The following SPOUT1 variants were observed in gnomAD, a reference collection of about 807,000 sequenced individuals.
SPOUT1 encodes the protein 28S rRNA (uridine-N(3))-methyltransferase.
Under a neutral mutation model 54.8 loss-of-function variants are expected in SPOUT1, and 40 were observed. The ratio of observed to expected loss-of-function variants is 0.73; its 90% CI spans 0.57 to 0.95. The LOEUF is 0.95. Ranked by LOEUF, SPOUT1 falls within the 40% of genes least tolerant of loss-of-function variation. The pLI, the probability that SPOUT1 is intolerant of heterozygous loss-of-function variation, is 0.00. For missense variants in SPOUT1, 437 were observed against 499.5 expected (o/e 0.87, Z 1.19); for synonymous variants, 193 against 200.3 (o/e 0.96, Z 0.31).
At chr9:128,828,210 C>T (rs759066722) in intron 3 of SPOUT1, among the ~76,000 whole-genome samples, 1 of 151,646 alleles carries the variant, frequency 6.6e-6, no homozygotes, top group African/African-American at 2.4e-5. Flanking sequence ...AGATATGAGG[C>T]TTGGGCCGGG....
Position 128,822,221 on chromosome 9 carries a change from C to A in SPOUT1, c.*544G>T. ...GAAGTCTCACAGTGAGGGCGTGGTC[C>A]TGCAGGTTGACAGAAGTTAGAGGAC... On this transcript the variant is annotated 3_prime_UTR_variant, in exon 12 of 12. Transcript: ENST00000361256. 7.3e-7 allele frequency: 1 copy of A among 1,376,344 alleles called. No homozygotes were observed. Among genetic ancestry groups the A allele is most frequent in the East Asian group, 2.4e-5 (1 of 41,648 alleles). The allele number at this position is 1,376,344 out of a possible 1,614,324, so 85.3% of individuals were successfully genotyped here.
rs112269930 is a variant in SPOUT1 at position 128,821,236 on chromosome 9, C to A, written c.*1529G>T. 4.0e-6 allele frequency: 1 copy of A among 248,182 alleles called. No individual in the cohort carries two copies. Among genetic ancestry groups the A allele is most frequent in the African/African-American group, 2.3e-5 (1 of 43,816 alleles). 15.4% of individuals were successfully genotyped at this position (248,182 alleles called of 1,614,324 possible). A position where few individuals can be genotyped will look rare whatever the true frequency, so the allele number is the denominator to read the frequency against. ...GTGCACCAAGCTCTCCCGCCTTCCCCCTGCAGGTCTGCGGTGCACCAAGCT... is the reference window on the plus strand; with the variant it reads ...GTGCACCAAGCTCTCCCGCCTTCCCACTGCAGGTCTGCGGTGCACCAAGCT... On this transcript the variant is annotated 3_prime_UTR_variant, in exon 12 of 12. Transcript: ENST00000361256.
In SPOUT1 at chr9:128,827,144, T is replaced by C. The variant is rs1465223718; in HGVS notation, c.256A>G (p.Asn86Asp). Residue 86 changes from asparagine to aspartate, a missense_variant, in exon 4 of 12, where the codon AAT (asparagine) becomes GAT (aspartate). Asn to Asp is a conservative substitution (Grantham distance 23). Coordinates refer to ENST00000361256, the MANE Select transcript of SPOUT1 (RefSeq NM_016390.4). ...SVALPGSILDNAQSPELRTYL... is the reference protein window; with the variant it reads ...SVALPGSILDDAQSPELRTYL... Reference sequence around the variant, plus strand: ...GTGCGAAGCTCCGGCGACTGAGCATTGTCCAGGATGGAGCCCGGCAGGGCT... The same window carrying C: ...GTGCGAAGCTCCGGCGACTGAGCATCGTCCAGGATGGAGCCCGGCAGGGCT... The C allele has an allele frequency of 6.2e-7, 1 of 1,614,018 alleles. No individual in the cohort carries two copies. The highest frequency in any genetic ancestry group is 8.5e-7 in the Non-Finnish European group (1 of 1,180,018).
At chr9:128,827,214 C>T in intron 3 of SPOUT1, 23 bp from the exon 4 acceptor site, 1 of 1,593,156 alleles carries the variant, frequency 6.3e-7, no homozygotes, top group Non-Finnish European at 8.6e-7. Context: ...GGGATGTTCC[C>T]AGCCAGTGTG....
In SPOUT1 at chr9:128,820,829, G is replaced by A; in HGVS notation, c.*1936C>T. 1 of 1,610,484 alleles carries A rather than the reference G, an allele frequency of 6.2e-7. No individual in the cohort carries two copies. Among genetic ancestry groups the A allele is most frequent in the Non-Finnish European group, 8.5e-7 (1 of 1,178,308 alleles). Reference sequence around the variant, plus strand: ...CTACCAAAACGTCTATGTCTGCACAGGGCCACTCTTCCTGCCCAGGTAAGG... The same window carrying A: ...CTACCAAAACGTCTATGTCTGCACAAGGCCACTCTTCCTGCCCAGGTAAGG... On this transcript the variant is annotated 3_prime_UTR_variant, in exon 12 of 12. Coordinates refer to ENST00000361256, the MANE Select transcript of SPOUT1 (RefSeq NM_016390.4).
In SPOUT1 at chr9:128,819,869, G is replaced by A. The variant is rs1397290122; in HGVS notation, c.*2896C>T. On this transcript the variant is annotated 3_prime_UTR_variant, in exon 12 of 12. Transcript: ENST00000361256. ...ATGCGCAGTTCACCATAGGGTTCCA[G>A]CTCCTATGACAATCTCCAGCCGCCA... is the stretch of plus-strand genomic sequence containing the variant. The A allele has an allele frequency of 2.0e-5, 3 of 152,094 alleles. No homozygotes were observed. Among genetic ancestry groups the A allele is most frequent in the Admixed American group, 6.6e-5 (1 of 15,116 alleles). The allele number at this position is 152,094 out of a possible 1,614,324, so 9.4% of individuals were successfully genotyped here.
rs1332593726 is a variant in SPOUT1 at position 128,823,817 on chromosome 9, T to C, written c.992A>G (p.Glu331Gly). The change falls in exon 11 of 12, where the codon GAA (glutamate) becomes GGA (glycine). Residue 331 changes from glutamate to glycine, a missense_variant. Coordinates refer to ENST00000361256, the MANE Select transcript of SPOUT1 (RefSeq NM_016390.4). ...GTACAGGTCAAAGAGGACACTGGGT[T>C]CAGCCACCTCCAGGTTGGGGTCAGC... ...ADADPNLEVA[E>G]PSVLFDLYVN... 2 of 1,611,198 alleles carry C rather than the reference T, an allele frequency of 1.2e-6. 1 individual carries two copies. Among genetic ancestry groups the C allele is most frequent in the Admixed American group, 3.4e-5 (2 of 59,666 alleles).
At chr9:128,828,228 G>C (rs1392207495) in intron 3 of SPOUT1, among the ~76,000 whole-genome samples, 1 of 152,206 alleles carries the variant, frequency 6.6e-6, no homozygotes, top group African/African-American at 2.4e-5. Flanking sequence ...GGGCACGGTG[G>C]CTCATGCCTG....
Position 128,828,288 on chromosome 9 carries a change from G to C in SPOUT1, c.208+447C>G, listed in dbSNP as rs571009135. On this transcript the variant is annotated intron_variant, in intron 3 of 11. Coordinates refer to ENST00000361256, the MANE Select transcript of SPOUT1 (RefSeq NM_016390.4). ...AAGTGGGCAGATCACCTGAGGTCAGGAGTTCGAGACCGGCCTCCCCAACAT... is the reference window on the plus strand; with the variant it reads ...AAGTGGGCAGATCACCTGAGGTCAGCAGTTCGAGACCGGCCTCCCCAACAT... Among the ~76,000 whole-genome samples, 4 of 152,312 alleles carry C rather than the reference G, an allele frequency of 2.6e-5. No homozygotes were observed. The East Asian group carries it at 7.7e-4, about 29-fold the overall frequency.
At chr9:128,828,453 G>A (rs1043380379) in intron 3 of SPOUT1, among the ~76,000 whole-genome samples, 8 of 149,722 alleles carry the variant, frequency 5.3e-5, no homozygotes, top group African/African-American at 1.5e-4. Context: ...CAGAGATGGC[G>A]CCGTTGCACT....
chr9:128,823,239 C>T (rs1830165091), intron 11 of SPOUT1, among the ~76,000 whole-genome samples: 1 of 152,066 alleles, frequency 6.6e-6, no homozygotes. Context: ...GGCTGTCGGC[C>T]CGGCGAGACT....
Position 128,827,171 on chromosome 9 carries a change from C to T in SPOUT1, c.229G>A (p.Val77Ile), listed in dbSNP as rs541385951. ...TCCAGGATGGAGCCCGGCAGGGCTACGCTCAGTGTGTAGGGCCGCCCTGAG... is the reference window on the plus strand; with the variant it reads ...TCCAGGATGGAGCCCGGCAGGGCTATGCTCAGTGTGTAGGGCCGCCCTGAG... Reference protein sequence around the residue: ...EDRGRPYTLSVALPGSILDNA... With the variant: ...EDRGRPYTLSIALPGSILDNA... The change falls in exon 4 of 12, where the codon GTA becomes ATA. Residue 77 changes from valine to isoleucine, a missense_variant. Physicochemically the swap from Val to Ile is conservative, Grantham distance 29. Transcript: ENST00000361256. 25 of 1,613,350 alleles carry T rather than the reference C, an allele frequency of 1.5e-5. No individual in the cohort carries two copies. The highest frequency in any genetic ancestry group is 1.2e-4 in the African/African-American group (9 of 75,044).
Position 128,826,366 on chromosome 9 carries a change from G to A in SPOUT1, c.508+18C>T, listed in dbSNP as rs371612839. 2.4e-5 allele frequency: 39 copies of A among 1,612,492 alleles called. No individual in the cohort carries two copies. The highest frequency in any genetic ancestry group is 5.3e-5 in the African/African-American group (4 of 74,864). Reference sequence around the variant, plus strand: ...CATGATCCAGGGGAAATGGGGGGGCGGGCCCATACAGCGTTACCTGCAAAC... The same window carrying A: ...CATGATCCAGGGGAAATGGGGGGGCAGGCCCATACAGCGTTACCTGCAAAC... On this transcript the variant is annotated intron_variant, in intron 6 of 11. Coordinates refer to ENST00000361256, the MANE Select transcript of SPOUT1 (RefSeq NM_016390.4). This position sits in a 1 kb window ranked among gnomAD's most constrained non-coding sequence, Gnocchi z 5.5.
In SPOUT1 at chr9:128,822,538, G is replaced by A. The variant is rs764092205; in HGVS notation, c.*227C>T. ...CCATCGAGAGCATTGAGCGGGCTTC[G>A]GGGCTGCTCTTTGTGCCAAACATCC... On this transcript the variant is annotated 3_prime_UTR_variant, in exon 12 of 12. Coordinates refer to ENST00000361256, the MANE Select transcript of SPOUT1 (RefSeq NM_016390.4). The A allele has an allele frequency of 9.6e-6, 15 of 1,559,422 alleles. No individual in the cohort carries two copies. The highest frequency in any genetic ancestry group is 1.9e-5 in the Admixed American group (1 of 51,412).
chr9:128,824,915 G>T, intron 8 of SPOUT1, 46 bp from the exon 9 acceptor site: 1 of 1,596,264 alleles, frequency 6.3e-7, no homozygotes, highest in Non-Finnish European at 8.6e-7. Context: ...GGGAATGGAA[G>T]CAGGTGGCTG....
intron 7 of SPOUT1, among the ~76,000 whole-genome samples, chr9:128,825,728 A>G (rs1830228533): frequency 6.6e-6 from 1 of 152,226 alleles, no homozygotes; most frequent in African/African-American, 2.4e-5. Flanking sequence ...TAATGCCCTC[A>G]TCCCAGCTTG....
rs533166916 is a variant in SPOUT1, at chr9:128,822,845, G to A, written c.1063-12C>T. 125 of 1,568,760 alleles carry A rather than the reference G, an allele frequency of 8.0e-5. No individual in the cohort carries two copies. The South Asian group carries it at 9.0e-4, about 11-fold the overall frequency. On this transcript the variant is annotated splice_polypyrimidine_tract_variant and intron_variant, in intron 11 of 11. Transcript: ENST00000361256. ...ATGAGGATGGCTTCCTGGAAGAGAA[G>A]CGTGGCAGTGGGCTGGGGCCTGGGG... is the stretch of plus-strand genomic sequence containing the variant.
At chr9:128,824,695 A>C in intron 9 of SPOUT1, 76 bp downstream of exon 9, 1 of 1,030,866 alleles carries the variant, frequency 9.7e-7, no homozygotes, top group Non-Finnish European at 1.5e-6. Context: ...CTGGTCTGAT[A>C]TTTGGGTCAG....
chr9:128,829,152 C>T lies in SPOUT1; in HGVS notation c.40G>A (p.Glu14Lys), dbSNP rs778793719. The change falls in exon 2 of 12, where the codon GAA becomes AAA. Residue 14 changes from glutamate (E) to lysine (K), a missense_variant. Glu to Lys is a moderately conservative substitution (Grantham distance 56, BLOSUM62 1). Transcript: ENST00000361256. ...CGCCACTCAATCCTTTGGCCGTGTT[C>T]ACCCTGGAGAAGGAGTGGTAGGAGG... ...RGRKRPCGPG[E>K]HGQRIEWRKW... 6.2e-7 allele frequency: 1 copy of T among 1,613,872 alleles called. No homozygotes were observed. The highest frequency in any genetic ancestry group is 2.2e-5 in the East Asian group (1 of 44,884).
Sources: gnomAD v4.1 joint callset for allele counts (sites outside exome capture counted in the v4.1 genomes callset) on GRCh38, gnomAD v4.1.1 for gene constraint, Gnocchi (gnomAD v3.1) non-coding constraint, MANE v1.5 for transcripts, NCBI Gene and HGNC (gene_info 2026-07-23, HGNC 2026-07-21) for gene names.